Variants in MYOZ2 observed in about 807,000 individuals in gnomAD.
MYOZ2 encodes myozenin-2.
A neutral mutation model predicts 25.4 loss-of-function variants in MYOZ2; 19 were observed. The observed-to-expected ratio is 0.75, with a 90% CI of 0.52 to 1.10. The LOEUF (loss-of-function observed/expected upper bound fraction) is 1.10. Among genes scored for constraint, MYOZ2 ranks in the 50% least tolerant of loss-of-function variants. The pLI, the probability that MYOZ2 is intolerant of heterozygous loss-of-function variation, is 0.00. For missense variants in MYOZ2, 270 were observed against 317.9 expected, an observed-to-expected ratio of 0.85 and a Z score of 1.15; for synonymous variants, 92 against 106.9, an observed-to-expected ratio of 0.86 and a Z score of 0.86.
In MYOZ2 at chr4:119,187,323, C is replaced by T. The variant is rs905154615; in HGVS notation, c.*1123C>T. ...TCCTCCCATTTCAATTCAGTTAAGA[C>T]TTCTGTGATAGATGTTTATAGCAGA... On this transcript the variant is annotated 3_prime_UTR_variant, in exon 6 of 6. Transcript: ENST00000307128. The T allele has an allele frequency of 2.6e-5, 4 of 151,998 alleles. No homozygotes were observed. The highest frequency in any genetic ancestry group is 2.6e-4 in the Admixed American group (4 of 15,258). The allele number at this position is 151,998 out of a possible 1,614,324, so 9.4% of individuals were successfully genotyped here. A position where few individuals can be genotyped will look rare whatever the true frequency, so the allele number is the denominator to read the frequency against.
At chr4:119,179,463 C>T (rs1444004230) in intron 5 of MYOZ2, among the ~76,000 whole-genome samples, 1 of 152,194 alleles carries the variant, frequency 6.6e-6, no homozygotes, top group African/African-American at 2.4e-5. Context: ...AACAAACTCT[C>T]ATCTACTCAT....
At chr4:119,155,620 C>T (rs962819373) in intron 3 of MYOZ2, among the ~76,000 whole-genome samples, 42 of 152,008 alleles carry the variant, frequency 2.8e-4, no homozygotes, top group African/African-American at 1.0e-3. Flanking sequence ...GGGGAACTGG[C>T]TTGTGGAAGT....
At chr4:119,165,454 T>C (rs1399093745) in intron 5 of MYOZ2, among the ~76,000 whole-genome samples, 4 of 152,082 alleles carry the variant, frequency 2.6e-5, no homozygotes, top group Non-Finnish European at 5.9e-5. Context: ...GAAGTTGCAG[T>C]GAGCTGAAAT....
chr4:119,186,071 T>A lies in MYOZ2; in HGVS notation c.666T>A (p.Phe222Leu), dbSNP rs201971682. 6.2e-7 allele frequency: 1 copy of A among 1,613,984 alleles called. No individual in the cohort carries two copies. Among genetic ancestry groups the A allele is most frequent in the African/African-American group, 1.3e-5 (1 of 74,938 alleles). The change falls in exon 6 of 6, where the codon TTT (phenylalanine) becomes TTA (leucine). Residue 222 changes from phenylalanine (F) to leucine (L), a missense_variant. By Grantham distance (22) the Phe-to-Leu change is conservative. Coordinates refer to ENST00000307128, the MANE Select transcript of MYOZ2 (RefSeq NM_016599.5). Reference protein sequence around the residue: ...LLLTDPRFMSFVNPLSGRRSF... With the variant: ...LLLTDPRFMSLVNPLSGRRSF... ...TAACAGATCCCAGGTTTATGTCCTTTGTCAATCCCCTTTCTGGCAGACGGT... is the reference window on the plus strand; with the variant it reads ...TAACAGATCCCAGGTTTATGTCCTTAGTCAATCCCCTTTCTGGCAGACGGT...
rs2149230757 is a variant in MYOZ2 at position 119,185,967 on chromosome 4, G to A, written c.562G>A (p.Val188Ile). ...ELPDYRSFNRVATPFGGFEKA... is the reference protein window; with the variant it reads ...ELPDYRSFNRIATPFGGFEKA... ...TGTTTTTTTTTTAATTTCCCACAGG[G>A]TTGCCACACCATTTGGAGGTTTTGA... The change falls in exon 6 of 6, where the codon GTT (valine) becomes ATT (isoleucine). Residue 188 changes from valine to isoleucine, a missense_variant and splice_region_variant. Coordinates refer to ENST00000307128, the MANE Select transcript of MYOZ2 (RefSeq NM_016599.5). The A allele has an allele frequency of 6.2e-7, 1 of 1,611,888 alleles. No individual in the cohort carries two copies.
intron 2 of MYOZ2, among the ~76,000 whole-genome samples, chr4:119,148,953 A>G (rs1339125550): frequency 6.6e-6 from 1 of 151,640 alleles, no homozygotes; most frequent in Non-Finnish European, 1.5e-5. Context: ...AGATTTTTCT[A>G]GTTCTTTGTA....
At chr4:119,174,188 T>G (rs1451101573) in intron 5 of MYOZ2, among the ~76,000 whole-genome samples, 1 of 152,210 alleles carries the variant, frequency 6.6e-6, no homozygotes. Flanking sequence ...GGCGCAGGAC[T>G]GGCAGGCAGC....
chr4:119,143,817 G>A (rs974592024), intron 2 of MYOZ2, among the ~76,000 whole-genome samples: 4 of 152,206 alleles, frequency 2.6e-5, no homozygotes, highest in Middle Eastern at 3.4e-3. Context: ...AGATTTTTCC[G>A]ACTGGCTTCT....
At chr4:119,179,612 C>T (rs1413312818) in intron 5 of MYOZ2, among the ~76,000 whole-genome samples, 2 of 151,756 alleles carry the variant, frequency 1.3e-5, no homozygotes, top group Non-Finnish European at 2.9e-5. Context: ...CTGTTTTATT[C>T]AACATTATGA....
intron 2 of MYOZ2, among the ~76,000 whole-genome samples, chr4:119,148,767 G>T (rs1578728206): frequency 4.0e-5 from 2 of 50,354 alleles, no homozygotes; most frequent in Non-Finnish European, 1.0e-4. Context: ...TGGAGTCATT[G>T]GCAAAAAAAA....
At chr4:119,180,589 C>T (rs901238320) in intron 5 of MYOZ2, among the ~76,000 whole-genome samples, 11 of 152,128 alleles carry the variant, frequency 7.2e-5, no homozygotes, top group East Asian at 1.9e-4. Context: ...GAATTTTGCT[C>T]GTCACCCATG....
At chr4:119,168,432 A>C (rs1357390791) in intron 5 of MYOZ2, among the ~76,000 whole-genome samples, 1 of 152,184 alleles carries the variant, frequency 6.6e-6, no homozygotes, top group Non-Finnish European at 1.5e-5. Flanking sequence ...GTAAATTGAA[A>C]ACCTTCTGAA....
intron 5 of MYOZ2, among the ~76,000 whole-genome samples, chr4:119,184,934 T>C (rs1023125972): frequency 2.6e-5 from 4 of 152,140 alleles, no homozygotes; most frequent in Non-Finnish European, 5.9e-5. Flanking sequence ...TAGTAGCAAA[T>C]GACTGACATA....
chr4:119,150,586 A>T (rs1212764533), intron 2 of MYOZ2, among the ~76,000 whole-genome samples: 1 of 151,936 alleles, frequency 6.6e-6, no homozygotes, highest in East Asian at 1.9e-4. Flanking sequence ...ACTAAATTGT[A>T]CTAGTAGTAA....
At position 119,136,492 on chromosome 4, in the gene MYOZ2, T is replaced by C. The variant is rs765760107; in HGVS notation, c.-14-20T>C. ...TGAGTTCTTCACATTGCCTCAATAATGTCCCTTTGTTTTTAACAGGGAACA... is the reference window on the plus strand; with the variant it reads ...TGAGTTCTTCACATTGCCTCAATAACGTCCCTTTGTTTTTAACAGGGAACA... On this transcript the variant is annotated intron_variant, in intron 1 of 5. Transcript: ENST00000307128. 8 of 1,592,454 alleles carry C rather than the reference T, an allele frequency of 5.0e-6. No homozygotes were observed. In the Admixed American group the frequency reaches 1.3e-4, roughly 27 times the overall value.
At chr4:119,176,706 G>A (rs1356165533) in intron 5 of MYOZ2, among the ~76,000 whole-genome samples, 1 of 152,148 alleles carries the variant, frequency 6.6e-6, no homozygotes, top group African/African-American at 2.4e-5. Flanking sequence ...AGATTAATTT[G>A]AAAAAGAACT....
Position 119,164,357 on chromosome 4 carries a change from G to A in MYOZ2, c.523G>A (p.Gly175Arg), listed in dbSNP as rs147532351. 1.2e-5 allele frequency: 19 copies of A among 1,613,906 alleles called. No individual in the cohort carries two copies. In the East Asian group the frequency reaches 3.6e-4, roughly 30 times the overall value. ...ALYPKLFKPE[G>R]KAELPDYRSF... ...ATATCCTAAACTTTTCAAGCCTGAA[G>A]GAAAGGCAGAACTGCCTGATTACAG... The change falls in exon 5 of 6, where the codon GGA becomes AGA. Residue 175 changes from glycine (G) to arginine (R), a missense_variant. Transcript: ENST00000307128.
chr4:119,179,498 C>T (rs1409938108), intron 5 of MYOZ2, among the ~76,000 whole-genome samples: 1 of 151,992 alleles, frequency 6.6e-6, no homozygotes, highest in African/African-American at 2.4e-5. Flanking sequence ...CTTCATAGCT[C>T]TTTTTTTTCA....
At chr4:119,140,117 A>AAT (rs1741130003) in intron 2 of MYOZ2, among the ~76,000 whole-genome samples, 1 of 152,206 alleles carries the variant, frequency 6.6e-6, no homozygotes, top group Non-Finnish European at 1.5e-5. Flanking sequence ...ATCTAATTAT[A>AAT]AAATTCCATG....
Sources: allele counts gnomAD v4.1 joint callset (sites outside exome capture counted in the v4.1 genomes callset), GRCh38; gene constraint gnomAD v4.1.1; transcripts MANE v1.5; gene names NCBI Gene and HGNC (gene_info 2026-07-23, HGNC 2026-07-21).